The following JAKMIP3 variants were observed in gnomAD, a reference collection of about 807,000 sequenced individuals.
JAKMIP3 encodes janus kinase and microtubule-interacting protein 3.
Under a neutral mutation model 118.5 loss-of-function variants are expected in JAKMIP3, and 58 were observed. That is an observed-to-expected ratio of 0.49 (90% CI 0.40 to 0.61). The LOEUF is 0.61. Ranked by LOEUF, JAKMIP3 falls within the 20% of genes least tolerant of loss-of-function variation. The pLI, the probability that JAKMIP3 is intolerant of heterozygous loss-of-function variation, is 0.00. For missense variants in JAKMIP3, 950 were observed against 1,109.0 expected (o/e 0.86, Z 2.04); for synonymous variants, 486 against 451.2 (o/e 1.08, Z -0.98).
At chr10:132,138,316 C>T (rs1414047885) in intron 9 of JAKMIP3, 138 bp downstream of exon 9, 7 of 657,174 alleles carry the variant, frequency 1.1e-5, no homozygotes, top group East Asian at 3.4e-5. Flanking sequence ...GTGTGTGTGC[C>T]GAGGACCGCG....
At chr10:132,181,842 G>C (rs1027777901) in intron 23 of JAKMIP3, among the ~76,000 whole-genome samples, 5 of 146,262 alleles carry the variant, frequency 3.4e-5, no homozygotes, top group Admixed American at 2.8e-4. Context: ...CTGTCCCAGC[G>C]TGCCCTCGCT....
At chr10:132,150,530 A>G (rs2055899583) in intron 16 of JAKMIP3, among the ~76,000 whole-genome samples, 1 of 152,138 alleles carries the variant, frequency 6.6e-6, no homozygotes, top group African/African-American at 2.4e-5. Flanking sequence ...TCCGCCCATT[A>G]CTAATCCTCT....
chr10:132,056,720 G>A (rs1333476618), intron 1 of JAKMIP3, among the ~76,000 whole-genome samples: 1 of 152,212 alleles, frequency 6.6e-6, no homozygotes, highest in Non-Finnish European at 1.5e-5. Context: ...TGACCCATGG[G>A]AGCCAAGTGG....
chr10:132,041,958 C>T (rs1394099330), intron 1 of JAKMIP3, among the ~76,000 whole-genome samples: 1 of 152,010 alleles, frequency 6.6e-6, no homozygotes, highest in Non-Finnish European at 1.5e-5. Context: ...CCTCCACCTC[C>T]CAGGTTCAGG....
intron 23 of JAKMIP3, chr10:132,181,447 A>C (rs1010625292): frequency 1.3e-5 from 2 of 152,176 alleles, no homozygotes; most frequent in Admixed American, 6.5e-5. Flanking sequence ...TCCCTGTTTT[A>C]CATGGGGCTT....
chr10:132,068,045 CGT>C (rs1445455599), intron 1 of JAKMIP3, among the ~76,000 whole-genome samples: 16 of 131,030 alleles, frequency 1.2e-4, no homozygotes, highest in Non-Finnish European at 2.4e-4. Context: ...TGTGGGCTTC[CGT>C]GTGGACTGTG....
intron 1 of JAKMIP3, among the ~76,000 whole-genome samples, chr10:132,056,759 G>A (rs1049712962): frequency 6.6e-6 from 1 of 152,172 alleles, no homozygotes; most frequent in African/African-American, 2.4e-5. Flanking sequence ...ACTTTGTCCC[G>A]GTGCACCACC....
Position 132,168,752 on chromosome 10 carries a change from G to A in JAKMIP3, c.*822G>A, listed in dbSNP as rs934832906. On this transcript the variant is annotated 3_prime_UTR_variant, in exon 23 of 24. Coordinates refer to ENST00000684848, the MANE Select transcript of JAKMIP3 (RefSeq NM_001323087.2). ...GTGACAGGAGGTGGGACGAGGGGGC[G>A]GAGCTGGCTGGAACACGGATGCCAG... 3.1e-5 allele frequency: 8 copies of A among 259,526 alleles called. No homozygotes were observed. Among genetic ancestry groups the A allele is most frequent in the Non-Finnish European group, 6.0e-5 (8 of 132,918 alleles). 16.1% of individuals were successfully genotyped at this position (259,526 alleles called of 1,614,324 possible).
At chr10:132,095,859 T>C (rs907707166) in intron 1 of JAKMIP3, among the ~76,000 whole-genome samples, 2 of 152,202 alleles carry the variant, frequency 1.3e-5, no homozygotes, top group African/African-American at 4.8e-5. Flanking sequence ...GCCTTCAAGA[T>C]TGGGGCAGGA....
rs1197606724 is a variant in JAKMIP3, at chr10:132,173,000, CCTCTCT to C, written c.*1103+3977_*1103+3982del. Reference sequence around the variant, plus strand: ...CCTTCCCTCTCTCTCTCTCTCCTTCCCTCTCTCTCTCTCTCCCTCTCTCTCTCCTTC... The same window carrying C: ...CCTTCCCTCTCTCTCTCTCTCCTTCCCTCTCTCTCCCTCTCTCTCTCCTTC... On this transcript the variant is annotated intron_variant, in intron 23 of 23. Transcript: ENST00000684848. 4.2e-3 allele frequency among the ~76,000 whole-genome samples: 209 copies of C among 49,226 alleles called. 6 individuals are homozygous for C. Among genetic ancestry groups the C allele is most frequent in the Non-Finnish European group, 6.9e-3 (160 of 23,344 alleles). The allele number at this position is 49,226 out of a possible 152,430, so 32.3% of individuals were successfully genotyped here.
At chr10:132,079,555 A>T (rs1044600300) in intron 1 of JAKMIP3, among the ~76,000 whole-genome samples, 2 of 152,268 alleles carry the variant, frequency 1.3e-5, no homozygotes. Flanking sequence ...AGATTCGTAC[A>T]TGGAACACGA....
At chr10:132,093,762 A>C (rs372804570) in intron 1 of JAKMIP3, among the ~76,000 whole-genome samples, 3 of 152,076 alleles carry the variant, frequency 2.0e-5, no homozygotes, top group Admixed American at 6.5e-5. Context: ...ACTGTCCGAC[A>C]AGCCCCAGTG....
chr10:132,137,412 G>A, intron 8 of JAKMIP3, 123 bp downstream of exon 8: 18 of 1,244,406 alleles, frequency 1.4e-5, no homozygotes, highest in Admixed American at 2.0e-5. Context: ...CCTTTCGGGT[G>A]GATTTTGTTG....
chr10:132,062,864 C>T (rs118067849), upstream of JAKMIP3, among the ~76,000 whole-genome samples: 528 of 152,226 alleles, frequency 3.5e-3, no homozygotes, highest in Middle Eastern at 6.8e-3. Context: ...AAGGCGCAGG[C>T]CTGTCTGGGA....
chr10:132,112,787 G>A lies in JAKMIP3; in HGVS notation c.136-4290G>A, dbSNP rs535420531. 2.0e-5 allele frequency among the ~76,000 whole-genome samples: 3 copies of A among 152,114 alleles called. No homozygotes were observed. The highest frequency in any genetic ancestry group is 4.4e-5 in the Non-Finnish European group (3 of 68,010). On this transcript the variant is annotated intron_variant, in intron 2 of 23. Transcript: ENST00000684848. The surrounding 1 kb of genome is among the most constrained non-coding windows in gnomAD (Gnocchi z 4.3). ...AGCTCTCCACCTCCCCTTGGACACCGGCTCACATGGTGGACGCATCTGACT... is the reference window on the plus strand; with the variant it reads ...AGCTCTCCACCTCCCCTTGGACACCAGCTCACATGGTGGACGCATCTGACT...
intron 1 of JAKMIP3, among the ~76,000 whole-genome samples, chr10:132,073,983 C>A (rs577668092): frequency 3.4e-5 from 5 of 145,202 alleles, no homozygotes; most frequent in African/African-American, 1.3e-4. Flanking sequence ...AATTTACATT[C>A]CCACCAGCAG....
At chr10:132,146,152 C>T (rs1172130693) in intron 13 of JAKMIP3, among the ~76,000 whole-genome samples, 7 of 146,086 alleles carry the variant, frequency 4.8e-5, no homozygotes, top group African/African-American at 1.7e-4. Context: ...CCCCCACCCC[C>T]ACCCTGGCCC....
intron 1 of JAKMIP3, 88 bp from the exon 2 acceptor site, chr10:132,104,584 A>G: frequency 3.5e-6 from 2 of 565,338 alleles, no homozygotes; most frequent in South Asian, 4.2e-5. Flanking sequence ...TGGGGGGTCC[A>G]CGTGCCCCTG....
intron 1 of JAKMIP3, among the ~76,000 whole-genome samples, chr10:132,078,055 GC>G: frequency 6.6e-6 from 1 of 152,272 alleles, no homozygotes; most frequent in East Asian, 1.9e-4. Context: ...CAGGTGATCC[GC>G]ACGTCTTGGC....
Sources: allele counts gnomAD v4.1 joint callset (sites outside exome capture counted in the v4.1 genomes callset), GRCh38; gene constraint gnomAD v4.1.1; non-coding constraint Gnocchi (gnomAD v3.1); transcripts MANE v1.5; gene names NCBI Gene and HGNC (gene_info 2026-07-23, HGNC 2026-07-21).